The following KDELR1 variants were observed in gnomAD, a reference collection of about 807,000 sequenced individuals.
The protein encoded by KDELR1 is KDEL endoplasmic reticulum protein retention receptor 1.
In KDELR1, 16 loss-of-function variants were observed where a neutral mutation model predicts 25.5. The ratio of observed to expected loss-of-function variants is 0.63; its 90% CI spans 0.43 to 0.95. The LOEUF (loss-of-function observed/expected upper bound fraction) is 0.95. Among genes scored for constraint, KDELR1 ranks in the 40% least tolerant of loss-of-function variants. The pLI is 0.00. For missense variants in KDELR1, 159 were observed against 265.2 expected (o/e 0.60, Z 2.78); for synonymous variants, 121 against 115.0 (o/e 1.05, Z -0.33).
chr19:48,393,709 T>C (rs954266085), upstream of KDELR1, among the ~76,000 whole-genome samples: 1 of 151,994 alleles, frequency 6.6e-6, no homozygotes, highest in African/African-American at 2.4e-5. The surrounding 1 kb of genome is among the most constrained non-coding windows in gnomAD (Gnocchi z 5.6). Flanking sequence ...AGCGAGTGTG[T>C]GAGTCCCTCC....
At chr19:48,385,780 C>G (rs568926611) in intron 3 of KDELR1, among the ~76,000 whole-genome samples, 1 of 152,338 alleles carries the variant, frequency 6.6e-6, no homozygotes, top group South Asian at 2.1e-4. Context: ...GCTTTTCTAG[C>G]ATTTACGACA....
chr19:48,386,731 C>T (rs1445663790), intron 3 of KDELR1, among the ~76,000 whole-genome samples: 4 of 151,948 alleles, frequency 2.6e-5, no homozygotes, highest in Admixed American at 6.6e-5. Flanking sequence ...GGGATTCAGG[C>T]GTGAGCCACT....
rs765238332 is a variant in KDELR1 at position 48,390,493 on chromosome 19, A to G, written c.123T>C (p.Ala41=). 6 of 1,613,922 alleles carry G rather than the reference A, an allele frequency of 3.7e-6. No homozygotes were observed. Among genetic ancestry groups the G allele is most frequent in the East Asian group, 4.5e-5 (2 of 44,890 alleles). Residue 41 remains alanine (A), a synonymous_variant, in exon 2 of 5, where the codon GCT becomes GCC. Coordinates refer to ENST00000330720, the MANE Select transcript of KDELR1 (RefSeq NM_006801.3). ...GISGKSQVLF[A]VVFTARYLDL... ...CCAGATATCGGGCAGTGAACACCAC[A>G]GCAAACAGGACCTGGCTCTTCCCTG... is the stretch of plus-strand genomic sequence containing the variant.
upstream of KDELR1, among the ~76,000 whole-genome samples, chr19:48,392,345 CA>C (rs1476644546): frequency 6.6e-5 from 10 of 151,064 alleles, no homozygotes; most frequent in African/African-American, 2.4e-4. Context: ...CCCTCAGACC[CA>C]GGGGTCCAGG....
chr19:48,383,961 G>T (rs561377429), intron 4 of KDELR1, among the ~76,000 whole-genome samples: 1 of 152,320 alleles, frequency 6.6e-6, no homozygotes, highest in East Asian at 1.9e-4. Context: ...ATGAATAAAT[G>T]AATGAATTTC....
upstream of KDELR1, chr19:48,391,659 C>A: frequency 2.4e-6 from 1 of 421,618 alleles, no homozygotes; most frequent in Non-Finnish European, 4.4e-6. Flanking sequence ...TTTGCCGTGG[C>A]GGCGCTAAAC....
chr19:48,390,100 G>T (rs951652255), intron 2 of KDELR1: 3 of 290,378 alleles, frequency 1.0e-5, no homozygotes, highest in African/African-American at 2.7e-5. Flanking sequence ...TCAGACCCAA[G>T]AGTCCAGGCC....
chr19:48,395,784 G>C (rs905080163), upstream of KDELR1, among the ~76,000 whole-genome samples: 6 of 152,126 alleles, frequency 3.9e-5, no homozygotes, highest in Admixed American at 6.5e-5. Context: ...GAAACCAAAA[G>C]GGGATCCTTA....
intron 1 of KDELR1, chr19:48,390,814 C>T: frequency 2.2e-6 from 1 of 462,010 alleles, no homozygotes; most frequent in Non-Finnish European, 3.9e-6. Context: ...CCAGACTAGG[C>T]CTCATGGCTA....
chr19:48,386,380 G>C (rs1488278687), intron 3 of KDELR1, among the ~76,000 whole-genome samples: 1 of 151,356 alleles, frequency 6.6e-6, no homozygotes, highest in Non-Finnish European at 1.5e-5. Flanking sequence ...CCCTCCCAAA[G>C]TGCTGGGATC....
chr19:48,383,063 A>G lies in KDELR1; in HGVS notation c.*230T>C, dbSNP rs979333888. On this transcript the variant is annotated 3_prime_UTR_variant, in exon 5 of 5. Transcript: ENST00000330720. Reference sequence around the variant, plus strand: ...ATCAGAATCAAAAACTAAAGAGTGGAAAGATTTTTTTTTCTTGTCTAAAAG... The same window carrying G: ...ATCAGAATCAAAAACTAAAGAGTGGGAAGATTTTTTTTTCTTGTCTAAAAG... 1 of 582,308 alleles carries G rather than the reference A, an allele frequency of 1.7e-6. No individual in the cohort carries two copies. Among genetic ancestry groups the G allele is most frequent in the Non-Finnish European group, 3.0e-6 (1 of 328,822 alleles). 36.1% of individuals were successfully genotyped at this position (582,308 alleles called of 1,614,324 possible). A position where few individuals can be genotyped will look rare whatever the true frequency, so the allele number is the denominator to read the frequency against.
intron 3 of KDELR1, among the ~76,000 whole-genome samples, chr19:48,385,787 G>A (rs1487635395): frequency 3.3e-5 from 5 of 152,204 alleles, no homozygotes; most frequent in African/African-American, 1.2e-4. Context: ...TAGCATTTAC[G>A]ACATCCAAGG....
chr19:48,392,404 C>T (rs1360562081), upstream of KDELR1, among the ~76,000 whole-genome samples: 1 of 150,816 alleles, frequency 6.6e-6, no homozygotes, highest in Non-Finnish European at 1.5e-5. Context: ...GCCCCAGCCC[C>T]TCCTCCCTCA....
upstream of KDELR1, among the ~76,000 whole-genome samples, chr19:48,395,518 G>A (rs559994592): frequency 2.6e-5 from 4 of 152,006 alleles, no homozygotes; most frequent in Admixed American, 2.6e-4. Context: ...GGGAGGTGAG[G>A]GGGGAGGAAA....
upstream of KDELR1, among the ~76,000 whole-genome samples, chr19:48,395,286 A>C (rs1415274848): frequency 2.3e-5 from 3 of 127,898 alleles, no homozygotes; most frequent in Admixed American, 7.7e-5. Flanking sequence ...CAGTCCCCCC[A>C]TCGCGAGCCG....
At chr19:48,393,208 A>G, upstream of KDELR1, among the ~76,000 whole-genome samples, 1 of 134,256 alleles carries the variant, frequency 7.4e-6, no homozygotes, top group Non-Finnish European at 1.6e-5. The surrounding 1 kb of genome is among the most constrained non-coding windows in gnomAD (Gnocchi z 5.6). Flanking sequence ...CCAGTAGAGA[A>G]GGGGACTCCT....
intron 1 of KDELR1, 35 bp from the exon 2 acceptor site, chr19:48,390,559 G>GAGAC (rs771520171): frequency 7.6e-7 from 1 of 1,308,140 alleles, no homozygotes; most frequent in Non-Finnish European, 1.1e-6. Context: ...GAGAGAGAGA[G>GAGAC]AGACAGAGAG....
rs781153638 is a variant in KDELR1 at position 48,384,392 on chromosome 19, TG to T, written c.441del (p.Thr148ProfsTer8). On this transcript the variant is annotated frameshift_variant, in exon 4 of 5. Transcript: ENST00000330720. LOFTEE classifies it high-confidence loss of function. The surrounding 1 kb of genome is among the most constrained non-coding windows in gnomAD (Gnocchi z 4.6). ...CCTAGCGCAAACAAGTAGTGGCTGG[TG>T]ATGGTCTCCGCCTCGCCGGTCTTGC... ...MVSKTGEAET[I>X]TSHYLFALGV... 6.2e-7 allele frequency: 1 copy of T among 1,604,160 alleles called. No homozygotes were observed. The highest frequency in any genetic ancestry group is 1.3e-5 in the African/African-American group (1 of 74,648).
At chr19:48,385,734 G>A (rs1970490604) in intron 3 of KDELR1, among the ~76,000 whole-genome samples, 1 of 152,178 alleles carries the variant, frequency 6.6e-6, no homozygotes, top group Non-Finnish European at 1.5e-5. Context: ...GTGGAAGGAA[G>A]GTGGGGGGCA....
Sources: allele counts gnomAD v4.1 joint callset (sites outside exome capture counted in the v4.1 genomes callset), GRCh38; gene constraint gnomAD v4.1.1; non-coding constraint Gnocchi (gnomAD v3.1); transcripts MANE v1.5; gene names NCBI Gene and HGNC (gene_info 2026-07-23, HGNC 2026-07-21).